The following SMYD3 variants were observed in gnomAD, a reference collection of about 807,000 sequenced individuals.
SMYD3 encodes the protein histone-lysine N-methyltransferase SMYD3.
SMYD3 carries 36 observed loss-of-function variants against 57.7 expected under a neutral mutation model. The observed-to-expected ratio is 0.62, with a 90% confidence interval of 0.48 to 0.82. The LOEUF (loss-of-function observed/expected upper bound fraction) is 0.82, where lower values mean the gene tolerates loss of function less well. SMYD3 is among the 40% of genes least tolerant of loss of function. The probability of loss-of-function intolerance (pLI) is 0.00; values close to 1 mark genes in which losing one functional copy is unlikely to be tolerated. For missense variants in SMYD3, 515 were observed against 538.8 expected (o/e 0.96, Z 0.44); for synonymous variants, 211 against 195.0 (o/e 1.08, Z -0.68).
intron 5 of SMYD3, among the ~76,000 whole-genome samples, chr1:246,175,444 T>C (rs922690022): frequency 2.0e-5 from 3 of 152,226 alleles, no homozygotes; most frequent in East Asian, 1.9e-4. Flanking sequence ...GGTTATTTTT[T>C]CCTATGCATA....
chr1:246,013,677 C>T (rs776068949), intron 5 of SMYD3, among the ~76,000 whole-genome samples: 6 of 152,080 alleles, frequency 3.9e-5, no homozygotes, highest in African/African-American at 9.7e-5. Flanking sequence ...TAAAGGGACA[C>T]GCCAGGTATT....
At chr1:246,041,971 G>T (rs1282590104) in intron 5 of SMYD3, among the ~76,000 whole-genome samples, 1 of 152,086 alleles carries the variant, frequency 6.6e-6, no homozygotes, top group Non-Finnish European at 1.5e-5. Flanking sequence ...CACAAAATTG[G>T]TTTTATTGCT....
intron 5 of SMYD3, among the ~76,000 whole-genome samples, chr1:246,019,296 C>G (rs762562532): frequency 6.6e-6 from 1 of 152,154 alleles, no homozygotes; most frequent in Non-Finnish European, 1.5e-5. Flanking sequence ...ACAAGACAGC[C>G]CCCACGACCA....
intron 5 of SMYD3, among the ~76,000 whole-genome samples, chr1:246,166,603 AACC>A (rs1182683724): frequency 6.6e-6 from 1 of 152,096 alleles, no homozygotes; most frequent in African/African-American, 2.4e-5. Context: ...GGAGTCTGGG[AACC>A]ACGTCAGTCA....
chr1:246,238,324 C>T (rs2063544236), intron 5 of SMYD3, among the ~76,000 whole-genome samples: 1 of 152,154 alleles, frequency 6.6e-6, no homozygotes, highest in Admixed American at 6.5e-5. Flanking sequence ...TGCCACCACA[C>T]CTGGCCAGGT....
At chr1:245,940,920 T>C (rs2057216600) in intron 5 of SMYD3, among the ~76,000 whole-genome samples, 1 of 152,094 alleles carries the variant, frequency 6.6e-6, no homozygotes, top group African/African-American at 2.4e-5. Context: ...AGAACCATGA[T>C]AAAACATTAC....
chr1:245,763,030 G>A (rs1232103375), intron 11 of SMYD3, among the ~76,000 whole-genome samples: 1 of 152,208 alleles, frequency 6.6e-6, no homozygotes, highest in Non-Finnish European at 1.5e-5. Context: ...TTCTGCTGAG[G>A]TGGGAAGGCC....
chr1:246,187,033 G>A lies in SMYD3; in HGVS notation c.531+140168C>T, dbSNP rs1472224016. 7 of 642,234 alleles carry A rather than the reference G, an allele frequency of 1.1e-5. No individual in the cohort carries two copies. In the South Asian group the frequency reaches 2.1e-4, roughly 19 times the overall value. The allele number at this position is 642,234 out of a possible 1,614,324, so 39.8% of individuals were successfully genotyped here. ...AAGTAGGTGTGATGTGCTAGATAAC[G>A]AGGTGATGTGCTGATGGAGCTCAAC... On this transcript the variant is annotated intron_variant, in intron 5 of 11. Transcript: ENST00000490107.
intron 1 of SMYD3, among the ~76,000 whole-genome samples, chr1:246,441,124 T>C (rs2067457137): frequency 6.6e-6 from 1 of 152,152 alleles, no homozygotes; most frequent in Non-Finnish European, 1.5e-5. Context: ...TCCAGACACA[T>C]GAAGAGGAGC....
chr1:246,005,193 G>A (rs1441429234), intron 5 of SMYD3, among the ~76,000 whole-genome samples: 1 of 152,236 alleles, frequency 6.6e-6, no homozygotes, highest in Non-Finnish European at 1.5e-5. Context: ...AAGAATGTTG[G>A]TTACAAAGAA....
At chr1:245,930,048 T>C in intron 5 of SMYD3, 111 bp from the exon 6 acceptor site, 1 of 839,176 alleles carries the variant, frequency 1.2e-6, no homozygotes, top group East Asian at 2.6e-5. Context: ...AGTAGTTGCT[T>C]AAGAAAGAGC....
At chr1:245,749,738 T>G in intron 11 of SMYD3, 74 bp from the exon 12 acceptor site, 1 of 1,170,680 alleles carries the variant, frequency 8.5e-7, no homozygotes, top group East Asian at 2.3e-5. Flanking sequence ...CTTTACCCCA[T>G]GATGCCAGGG....
At chr1:246,044,291 A>G (rs2059926192) in intron 5 of SMYD3, among the ~76,000 whole-genome samples, 1 of 152,216 alleles carries the variant, frequency 6.6e-6, no homozygotes, top group African/African-American at 2.4e-5. Context: ...AATAGTTTAA[A>G]CAACTCCATG....
chr1:246,423,087 A>G (rs1005851034), intron 1 of SMYD3, among the ~76,000 whole-genome samples: 1 of 152,074 alleles, frequency 6.6e-6, no homozygotes, highest in Non-Finnish European at 1.5e-5. Flanking sequence ...TCATGAGGTC[A>G]GGAGTTCGAG....
chr1:245,875,654 C>G (rs995022543), intron 8 of SMYD3, among the ~76,000 whole-genome samples: 3 of 152,194 alleles, frequency 2.0e-5, no homozygotes, highest in Admixed American at 1.3e-4. Context: ...TATTCTTCCT[C>G]TTGCCCAAGG....
At chr1:246,427,740 G>C (rs1292874908) in intron 1 of SMYD3, among the ~76,000 whole-genome samples, 1 of 151,898 alleles carries the variant, frequency 6.6e-6, no homozygotes, top group Non-Finnish European at 1.5e-5. Flanking sequence ...TATAGTCCCA[G>C]CTGCTCAGGA....
chr1:246,223,225 T>C (rs1433942979), intron 5 of SMYD3, among the ~76,000 whole-genome samples: 4 of 152,120 alleles, frequency 2.6e-5, no homozygotes, highest in Admixed American at 2.0e-4. Flanking sequence ...GGGCCACAGA[T>C]GTATGACCAC....
chr1:246,496,447 CTTAT>C (rs1347784077), intron 1 of SMYD3, among the ~76,000 whole-genome samples: 2 of 152,244 alleles, frequency 1.3e-5, no homozygotes, highest in African/African-American at 2.4e-5. Flanking sequence ...TGTGGTTGCT[CTTAT>C]TTATTTTTGC....
intron 5 of SMYD3, among the ~76,000 whole-genome samples, chr1:246,044,374 G>A (rs765676160): frequency 3.9e-4 from 60 of 152,296 alleles, no homozygotes; most frequent in African/African-American, 1.2e-3. Flanking sequence ...AGAACTCCAT[G>A]TCAAATGGAG....
Sources: allele counts gnomAD v4.1 joint callset (sites outside exome capture counted in the v4.1 genomes callset), GRCh38; gene constraint gnomAD v4.1.1; transcripts MANE v1.5; gene names NCBI Gene and HGNC (gene_info 2026-07-23, HGNC 2026-07-21).